The following PPARGC1B variants were observed in gnomAD, a reference collection of about 807,000 sequenced individuals.
PPARGC1B encodes peroxisome proliferator-activated receptor gamma coactivator 1-beta.
A neutral mutation model predicts 101.6 loss-of-function variants in PPARGC1B; 34 were observed. That is an observed-to-expected ratio of 0.33 (90% CI 0.25 to 0.45). The LOEUF (loss-of-function observed/expected upper bound fraction) is 0.45, where lower values mean the gene tolerates loss of function less well. PPARGC1B is among the 20% of genes least tolerant of loss of function. The probability of loss-of-function intolerance (pLI) is 1.00; values close to 1 mark genes in which losing one functional copy is unlikely to be tolerated. For synonymous variants in PPARGC1B, 548 were observed against 539.3 expected (o/e 1.02, Z -0.22); for missense variants, 1,234 against 1,317.6 (o/e 0.94, Z 0.98).
At chr5:149,802,987 G>GCCC (rs984647278) in intron 1 of PPARGC1B, among the ~76,000 whole-genome samples, 2 of 151,714 alleles carry the variant, frequency 1.3e-5, no homozygotes, top group African/African-American at 2.4e-5. Flanking sequence ...GGGTTCACCA[G>GCCC]CCCTCAATCC....
intron 1 of PPARGC1B, among the ~76,000 whole-genome samples, chr5:149,763,827 G>A (rs571928033): frequency 1.3e-5 from 2 of 150,090 alleles, no homozygotes; most frequent in South Asian, 2.1e-4. Context: ...TCTGTCGCTC[G>A]GGCTGGAGTG....
At chr5:149,777,277 T>A (rs982937836) in intron 1 of PPARGC1B, among the ~76,000 whole-genome samples, 2 of 152,210 alleles carry the variant, frequency 1.3e-5, no homozygotes, top group Non-Finnish European at 1.5e-5. Flanking sequence ...TCACCACACA[T>A]GCTCTGCCCA....
Position 149,847,261 on chromosome 5 carries a change from C to T in PPARGC1B, c.2972-197C>T, listed in dbSNP as rs746192549. On this transcript the variant is annotated intron_variant, in intron 11 of 11. Coordinates refer to ENST00000309241, the MANE Select transcript of PPARGC1B (RefSeq NM_133263.4). ...AGATAGGACAGCCAAGGCCCTGAGA[C>T]ACTGATACCATGGCCAAGATGTCCC... The T allele has an allele frequency of 4.2e-6, 3 of 714,410 alleles. No homozygotes were observed. In the Admixed American group the frequency reaches 6.0e-5, roughly 14 times the overall value. The allele number at this position is 714,410 out of a possible 1,614,324, so 44.3% of individuals were successfully genotyped here. A position where few individuals can be genotyped will look rare whatever the true frequency, so the allele number is the denominator to read the frequency against.
In PPARGC1B at chr5:149,833,081, C is replaced by A. The variant is rs145818962; in HGVS notation, c.1008C>A (p.Ser336=). 1 of 1,613,992 alleles carries A rather than the reference C, an allele frequency of 6.2e-7. No individual in the cohort carries two copies. The highest frequency in any genetic ancestry group is 8.5e-7 in the Non-Finnish European group (1 of 1,180,046). ...GGTCCCGGCACCACTCCAAAGCCTC[C>A]TGGGCTGAGTTCTCCATTCTGAGGG... ...RPWSRHHSKA[S]WAEFSILREL... is the part of the protein sequence containing the mutation. Residue 336 remains serine (S), a synonymous_variant, in exon 5 of 12, where the codon TCC becomes TCA. Transcript: ENST00000309241. The surrounding 1 kb of genome is among the most constrained non-coding windows in gnomAD (Gnocchi z 4.1).
At position 149,756,409 on chromosome 5, in the gene PPARGC1B, G is replaced by A. The variant is rs371853032; in HGVS notation, c.78+25989G>A. On this transcript the variant is annotated intron_variant, in intron 1 of 11. Transcript: ENST00000309241. ...AGAGGTTGTGGTGAGCCAAGATTGC[G>A]GCACTGCACTCTAGCCTGGGCAACA... Among the ~76,000 whole-genome samples, 181 of 152,188 alleles carry A rather than the reference G, an allele frequency of 1.2e-3. 5 individuals carry two copies. The South Asian group carries it at 0.034, about 28-fold the overall frequency.
chr5:149,806,104 G>A (rs1410349440), intron 1 of PPARGC1B, among the ~76,000 whole-genome samples: 2 of 152,242 alleles, frequency 1.3e-5, no homozygotes, highest in African/African-American at 2.4e-5. Context: ...TTCAGCTCTG[G>A]CCTGCCGAGG....
intron 1 of PPARGC1B, among the ~76,000 whole-genome samples, chr5:149,749,286 C>T (rs1040433582): frequency 6.6e-6 from 1 of 152,318 alleles, no homozygotes; most frequent in East Asian, 1.9e-4. Context: ...ATCCACAGTT[C>T]ACATCCTTGT....
chr5:149,800,815 A>C (rs746378866), intron 1 of PPARGC1B, among the ~76,000 whole-genome samples: 1 of 152,230 alleles, frequency 6.6e-6, no homozygotes, highest in East Asian at 1.9e-4. Context: ...GAACAACAAT[A>C]AATAAATGGG....
chr5:149,833,536 C>T lies in PPARGC1B; in HGVS notation c.1463C>T (p.Pro488Leu), dbSNP rs753410582. 1.3e-6 allele frequency: 2 copies of T among 1,574,882 alleles called. No individual in the cohort carries two copies. Among genetic ancestry groups the T allele is most frequent in the Admixed American group, 3.7e-5 (2 of 54,064 alleles). The change falls in exon 5 of 12, where the codon CCC becomes CTC. Residue 488 changes from proline to leucine, a missense_variant. Transcript: ENST00000309241. This position sits in a 1 kb window ranked among gnomAD's most constrained non-coding sequence, Gnocchi z 4.1. ...CGGAGACTGAACCCTGAGCTGGGCC[C>T]CTGGCTGACATTTGCAGATGAGCCG... ...RSRRLNPELG[P>L]WLTFADEPLV... is the part of the protein sequence containing the mutation.
At chr5:149,808,383 G>A (rs1757677440) in intron 1 of PPARGC1B, among the ~76,000 whole-genome samples, 1 of 152,092 alleles carries the variant, frequency 6.6e-6, no homozygotes, top group African/African-American at 2.4e-5. Flanking sequence ...AGTCAAGAGA[G>A]CAGCTGAGGA....
At chr5:149,776,966 G>C (rs1756384991) in intron 1 of PPARGC1B, among the ~76,000 whole-genome samples, 1 of 152,164 alleles carries the variant, frequency 6.6e-6, no homozygotes, top group African/African-American at 2.4e-5. Flanking sequence ...CCCACCCTCA[G>C]CCCAGCTCTT....
rs77950425 is a variant in PPARGC1B, at chr5:149,847,704, TA to T, written c.*160del. 0.18 allele frequency: 83,558 copies of T among 453,806 alleles called. 24 individuals are homozygous for T. Among genetic ancestry groups the T allele is most frequent in the South Asian group, 0.24 (7,881 of 33,330 alleles). The allele number at this position is 453,806 out of a possible 1,614,324, so 28.1% of individuals were successfully genotyped here. A position where few individuals can be genotyped will look rare whatever the true frequency, so the allele number is the denominator to read the frequency against. ...AGAGAGACTTGAAACTGCTGTCCTT[TA>T]AAAAAAAAAAAAATCAATGTTTACA... On this transcript the variant is annotated 3_prime_UTR_variant, in exon 12 of 12. Transcript: ENST00000309241.
rs767487162 is a variant in PPARGC1B, at chr5:149,836,575, A to G, written c.2120A>G (p.Lys707Arg). The G allele has an allele frequency of 6.2e-7, 1 of 1,613,892 alleles. No individual in the cohort carries two copies. ...CGACCAGAAGGCGTCCTGCAAAGGAAGGTGCTGAGGTCCTGGGAGCCGTCT... is the reference window on the plus strand; with the variant it reads ...CGACCAGAAGGCGTCCTGCAAAGGAGGGTGCTGAGGTCCTGGGAGCCGTCT... ...VLRPEGVLQRKVLRSWEPSGV... is the reference protein window; with the variant it reads ...VLRPEGVLQRRVLRSWEPSGV... The change falls in exon 8 of 12, where the codon AAG becomes AGG. Residue 707 changes from lysine (K) to arginine (R), a missense_variant. Around this residue, in one of 3 missense-constraint regions of PPARGC1B, gnomAD observed 497 missense variants for 529.5 expected, o/e 0.94. Coordinates refer to ENST00000309241, the MANE Select transcript of PPARGC1B (RefSeq NM_133263.4).
intron 7 of PPARGC1B, 87 bp from the exon 8 acceptor site, chr5:149,836,176 A>G (rs953510546): frequency 1.7e-6 from 2 of 1,170,112 alleles, no homozygotes; most frequent in Non-Finnish European, 2.4e-6. Context: ...GGTGTGAGCT[A>G]CCAGGCTTGG....
intron 11 of PPARGC1B, chr5:149,846,191 A>G: frequency 1.7e-6 from 1 of 576,408 alleles, no homozygotes. Context: ...GTGCACAGCC[A>G]GCTGGCAGAA....
chr5:149,806,854 A>G (rs1458661284), intron 1 of PPARGC1B, among the ~76,000 whole-genome samples: 2 of 151,070 alleles, frequency 1.3e-5, no homozygotes, highest in Admixed American at 1.3e-4. Flanking sequence ...CCGTCCACCC[A>G]CCCTGGCCTC....
At chr5:149,841,879 A>G (rs567076905) in intron 9 of PPARGC1B, among the ~76,000 whole-genome samples, 60 of 152,202 alleles carry the variant, frequency 3.9e-4, no homozygotes, top group African/African-American at 1.4e-3. Context: ...CACACTCACA[A>G]TCAACCTGCC....
At chr5:149,824,041 A>G (rs182456840) in intron 2 of PPARGC1B, among the ~76,000 whole-genome samples, 2 of 152,214 alleles carry the variant, frequency 1.3e-5, no homozygotes, top group Admixed American at 6.5e-5. Context: ...GTGAGTGCCA[A>G]CTGTGATTGA....
Position 149,778,651 on chromosome 5 carries a change from G to A in PPARGC1B, c.79-41782G>A, listed in dbSNP as rs1300356179. 2.6e-5 allele frequency among the ~76,000 whole-genome samples: 4 copies of A among 152,006 alleles called. No homozygotes were observed. The East Asian group carries it at 7.7e-4, about 29-fold the overall frequency. On this transcript the variant is annotated intron_variant, in intron 1 of 11. Transcript: ENST00000309241. Reference sequence around the variant, plus strand: ...ACCATAGCCTGGGCTTGGCGTCGTGGGCCCTCATAGAGCAAGGCTCACCCC... The same window carrying A: ...ACCATAGCCTGGGCTTGGCGTCGTGAGCCCTCATAGAGCAAGGCTCACCCC...
Sources: gnomAD v4.1 joint callset for allele counts (sites outside exome capture counted in the v4.1 genomes callset) on GRCh38, gnomAD v4.1.1 for gene constraint, gnomAD v4.1.1 regional missense constraint, Gnocchi (gnomAD v3.1) non-coding constraint, MANE v1.5 for transcripts, NCBI Gene and HGNC (gene_info 2026-07-23, HGNC 2026-07-21) for gene names.